CHN2: variants seen among roughly 807,000 people sequenced by gnomAD.
CHN2 encodes beta-chimaerin.
Under a neutral mutation model 56.3 loss-of-function variants are expected in CHN2, and 35 were observed. The ratio of observed to expected loss-of-function variants is 0.62; its 90% confidence interval spans 0.47 to 0.82. The LOEUF (loss-of-function observed/expected upper bound fraction) is 0.82. CHN2 is among the 40% of genes least tolerant of loss of function. The pLI is 0.00. For synonymous variants in CHN2, 210 were observed against 212.8 expected (o/e 0.99, Z 0.12); for missense variants, 491 against 580.5 (o/e 0.85, Z 1.58).
At chr7:29,461,421 A>G (rs1453877895) in intron 6 of CHN2, among the ~76,000 whole-genome samples, 1 of 152,234 alleles carries the variant, frequency 6.6e-6, no homozygotes, top group Non-Finnish European at 1.5e-5. Flanking sequence ...CCAAGTTGTT[A>G]GAGTAATGGT....
intron 1 of CHN2, among the ~76,000 whole-genome samples, chr7:29,209,954 A>G (rs970133931): frequency 1.3e-5 from 2 of 152,288 alleles, no homozygotes; most frequent in Non-Finnish European, 1.5e-5. Flanking sequence ...ATGAGGGGTC[A>G]CGTGACCTAA....
chr7:29,344,238 C>CCTCTT (rs776585599), intron 1 of CHN2, among the ~76,000 whole-genome samples: 1 of 152,158 alleles, frequency 6.6e-6, no homozygotes, highest in African/African-American at 2.4e-5. Context: ...GGTCTCACTG[C>CCTCTT]CTCTTCTCTT....
intron 2 of CHN2, among the ~76,000 whole-genome samples, chr7:29,184,704 G>T (rs1241645387): frequency 2.6e-5 from 4 of 152,168 alleles, no homozygotes; most frequent in African/African-American, 9.7e-5. Flanking sequence ...GTTACTCAGT[G>T]TTCTGATTTA....
chr7:29,420,855 G>T (rs1804265155), intron 6 of CHN2, among the ~76,000 whole-genome samples: 1 of 151,400 alleles, frequency 6.6e-6, no homozygotes, highest in Non-Finnish European at 1.5e-5. Context: ...TTTTGCCCAG[G>T]CTGGGGTACA....
intron 1 of CHN2, among the ~76,000 whole-genome samples, chr7:29,351,787 G>A (rs73684868): frequency 0.011 from 1,676 of 152,282 alleles, 34 homozygotes; most frequent in African/African-American, 0.039. Context: ...AGGCGGGCAG[G>A]CTCCCAGTGA....
chr7:29,244,843 T>C (rs1031474788), intron 1 of CHN2, among the ~76,000 whole-genome samples: 3 of 152,202 alleles, frequency 2.0e-5, no homozygotes, highest in African/African-American at 7.2e-5. Context: ...ATAAACCTTC[T>C]AGACCTCAAA....
intron 6 of CHN2, among the ~76,000 whole-genome samples, chr7:29,412,306 C>T (rs977753457): frequency 3.4e-5 from 5 of 145,908 alleles, no homozygotes; most frequent in Admixed American, 6.9e-5. Context: ...GATTAAGGCG[C>T]TCTGCTAAAG....
chr7:29,479,835 G>A (rs1786944474), intron 6 of CHN2: 3 of 1,292,650 alleles, frequency 2.3e-6, no homozygotes, highest in East Asian at 7.1e-5. Flanking sequence ...ACTGGATACC[G>A]CTTCTGGGGG....
chr7:29,203,051 A>C (rs1379865362), intron 1 of CHN2, among the ~76,000 whole-genome samples: 2 of 152,224 alleles, frequency 1.3e-5, no homozygotes, highest in Non-Finnish European at 2.9e-5. Context: ...GGCTAGTCTG[A>C]ATTGAGATGT....
At chr7:29,249,700 C>T (rs957710806) in intron 1 of CHN2, among the ~76,000 whole-genome samples, 11 of 152,272 alleles carry the variant, frequency 7.2e-5, no homozygotes, top group African/African-American at 2.6e-4. Flanking sequence ...GTGTATCTTG[C>T]AGCTTCCAGG....
chr7:29,433,810 G>A (rs1309603754), intron 6 of CHN2, among the ~76,000 whole-genome samples: 1 of 149,812 alleles, frequency 6.7e-6, no homozygotes, highest in East Asian at 2.0e-4. Context: ...CTGCACTCCA[G>A]CCTGGGTGAC....
chr7:29,461,584 T>C (rs1208387128), intron 6 of CHN2, among the ~76,000 whole-genome samples: 4 of 152,224 alleles, frequency 2.6e-5, no homozygotes, highest in Non-Finnish European at 5.9e-5. Context: ...GAAGGGGCCT[T>C]CATGTTTCAT....
chr7:29,309,016 T>C (rs1189216224), intron 1 of CHN2, among the ~76,000 whole-genome samples: 1 of 152,148 alleles, frequency 6.6e-6, no homozygotes, highest in East Asian at 1.9e-4. Context: ...AAGAATAGTT[T>C]ATTAGTATGT....
At chr7:29,293,124 C>T (rs1186320034) in intron 1 of CHN2, among the ~76,000 whole-genome samples, 5 of 152,188 alleles carry the variant, frequency 3.3e-5, no homozygotes, top group African/African-American at 4.8e-5. Context: ...TTTGCAGCTA[C>T]CAATCTCAAG....
In CHN2 at chr7:29,194,911, G is replaced by A; in HGVS notation, c.-31G>A. ...CGGCGGCGGCGTCCGCACCGGGGCT[G>A]AGCGAGCAGCGACGCGAGGGGCGCG... is the stretch of plus-strand genomic sequence containing the variant. On this transcript the variant is annotated 5_prime_UTR_variant, in exon 1 of 13. The change abolishes the stop of an existing upstream ORF in the 5' untranslated region. Transcript: ENST00000222792. 1 of 1,532,512 alleles carries A rather than the reference G, an allele frequency of 6.5e-7. No homozygotes were observed. The allele number at this position is 1,532,512 out of a possible 1,614,324, so 94.9% of individuals were successfully genotyped here.
chr7:29,284,466 T>G (rs1441068631), intron 1 of CHN2, among the ~76,000 whole-genome samples: 1 of 152,234 alleles, frequency 6.6e-6, no homozygotes, highest in Non-Finnish European at 1.5e-5. Context: ...ATTCTTCTGC[T>G]GACCCTGAAG....
intron 2 of CHN2, among the ~76,000 whole-genome samples, chr7:29,185,755 G>C (rs757427): frequency 0.14 from 21,245 of 152,094 alleles, 2,012 homozygotes; most frequent in East Asian, 0.43. Context: ...CATCGCCCTA[G>C]GACCTTTATT....
intron 1 of CHN2, among the ~76,000 whole-genome samples, chr7:29,211,065 T>G (rs61242562): frequency 0.035 from 3,492 of 100,400 alleles, 125 homozygotes; most frequent in African/African-American, 0.13. Flanking sequence ...TTTTGTTTTT[T>G]TTTTTGTTGT....
intron 6 of CHN2, 123 bp from the exon 7 acceptor site, chr7:29,480,156 G>A (rs1787005723): frequency 1.9e-6 from 3 of 1,584,404 alleles, no homozygotes; most frequent in Admixed American, 1.8e-5. Flanking sequence ...AAAGTGTGCT[G>A]TGGTTCGGAA....
Sources: gnomAD v4.1 joint callset for allele counts (sites outside exome capture counted in the v4.1 genomes callset) on GRCh38, gnomAD v4.1.1 for gene constraint, MANE v1.5 for transcripts, NCBI Gene and HGNC (gene_info 2026-07-23, HGNC 2026-07-21) for gene names.